The following TEC variants were observed in gnomAD, a reference collection of about 807,000 sequenced individuals.
The protein encoded by TEC is tyrosine-protein kinase Tec.
A neutral mutation model predicts 93.0 loss-of-function variants in TEC; 72 were observed. That is an observed-to-expected ratio of 0.77 (90% confidence interval 0.64 to 0.94). TEC has a LOEUF of 0.94. Ranked by LOEUF, TEC falls within the 40% of genes least tolerant of loss-of-function variation. TEC has a pLI of 0.00. For missense variants in TEC, 630 were observed against 757.9 expected (o/e 0.83, Z 1.98); for synonymous variants, 249 against 247.7 (o/e 1.01, Z -0.05).
chr4:48,141,667 T>TC (rs1190737042), intron 14 of TEC: 1 of 356,266 alleles, frequency 2.8e-6, no homozygotes, highest in African/African-American at 2.3e-5. Context: ...CCAATTGTCT[T>TC]TTTTTTTTCT....
chr4:48,191,093 TTAAA>T (rs1211004098), intron 2 of TEC, among the ~76,000 whole-genome samples: 2 of 152,324 alleles, frequency 1.3e-5, no homozygotes, highest in Admixed American at 6.5e-5. Flanking sequence ...CCCATGCAAA[TTAAA>T]TAACCTCTTC....
chr4:48,226,707 T>C (rs985861803), intron 2 of TEC, among the ~76,000 whole-genome samples: 2 of 152,060 alleles, frequency 1.3e-5, no homozygotes, highest in Admixed American at 6.6e-5. Context: ...GTAGTTAAGT[T>C]TGCGGGGGGA....
At chr4:48,224,649 T>C (rs1007924311) in intron 2 of TEC, among the ~76,000 whole-genome samples, 7 of 152,118 alleles carry the variant, frequency 4.6e-5, no homozygotes, top group African/African-American at 1.7e-4. Context: ...CTAACTACCA[T>C]AAAGAAAGGA....
intron 1 of TEC, among the ~76,000 whole-genome samples, chr4:48,235,979 T>C (rs1462074789): frequency 1.3e-5 from 2 of 152,122 alleles, no homozygotes; most frequent in African/African-American, 4.8e-5. Flanking sequence ...ATACAACTTC[T>C]CTAGTGGAAA....
intron 2 of TEC, among the ~76,000 whole-genome samples, chr4:48,208,313 A>G (rs904053158): frequency 6.6e-6 from 1 of 152,214 alleles, no homozygotes; most frequent in African/African-American, 2.4e-5. Flanking sequence ...CACACTGGCT[A>G]GCAGAGCCAG....
intron 2 of TEC, among the ~76,000 whole-genome samples, chr4:48,185,759 A>G (rs985910379): frequency 2.4e-4 from 36 of 151,824 alleles, no homozygotes; most frequent in African/African-American, 8.0e-4. Flanking sequence ...GAAAATCTCT[A>G]TAAGAAATAT....
Position 48,167,918 on chromosome 4 carries a change from T to C in TEC, c.531A>G (p.Glu177=). 6.2e-7 allele frequency: 1 copy of C among 1,613,836 alleles called. No individual in the cohort carries two copies. The highest frequency in any genetic ancestry group is 8.5e-7 in the Non-Finnish European group (1 of 1,179,854). Residue 177 remains glutamate, a synonymous_variant, in exon 7 of 18, where the codon GAA becomes GAG. Coordinates refer to ENST00000381501, the MANE Select transcript of TEC (RefSeq NM_003215.3). ...CTACAACGATTTCTTCACTATTATCTTCTTCTTCTAGTGGAATTGGTGGGG... is the reference window on the plus strand; with the variant it reads ...CTACAACGATTTCTTCACTATTATCCTCTTCTTCTAGTGGAATTGGTGGGG... ...RPPPPIPLEE[E]DNSEEIVVAM... is the part of the protein sequence containing the mutation.
Position 48,243,236 on chromosome 4 carries a change from T to C in TEC, c.-45-14577A>G, listed in dbSNP as rs1473868147. Among the ~76,000 whole-genome samples the C allele has an allele frequency of 2.6e-5, 4 of 152,340 alleles. No homozygotes were observed. The South Asian group carries it at 8.3e-4, about 32-fold the overall frequency. On this transcript the variant is annotated intron_variant, in intron 1 of 17. Transcript: ENST00000381501. ...ATCTTATTTCACTCATTATTTTTAC[T>C]GGAAATTCTGGCCAAGAACCCTGAT...
chr4:48,243,373 G>A (rs1168182052), intron 1 of TEC, among the ~76,000 whole-genome samples: 1 of 152,160 alleles, frequency 6.6e-6, no homozygotes. Context: ...CTTAGAGACT[G>A]CTTTCTTATC....
intron 1 of TEC, among the ~76,000 whole-genome samples, chr4:48,261,783 T>C (rs1282933761): frequency 6.6e-6 from 1 of 152,148 alleles, no homozygotes; most frequent in East Asian, 1.9e-4. Context: ...TTAAAAGCTT[T>C]AACCTTGAAA....
At position 48,262,201 on chromosome 4, in the gene TEC, C is replaced by CTTTTTTTTTTTTTTTTTTTTTTTT. The variant is rs10659576; in HGVS notation, c.-46+7550_-46+7551insAAAAAAAAAAAAAAAAAAAAAAAA. Among the ~76,000 whole-genome samples, 5 of 80,208 alleles carry CTTTTTTTTTTTTTTTTTTTTTTTT rather than the reference C, an allele frequency of 6.2e-5. 1 individual carries two copies. Among genetic ancestry groups the CTTTTTTTTTTTTTTTTTTTTTTTT allele is most frequent in the Admixed American group, 4.3e-4 (2 of 4,648 alleles). The allele number at this position is 80,208 out of a possible 152,430, so 52.6% of individuals were successfully genotyped here. A position where few individuals can be genotyped will look rare whatever the true frequency, so the allele number is the denominator to read the frequency against. On this transcript the variant is annotated intron_variant, in intron 1 of 17. Transcript: ENST00000381501. ...CTTGGGTAATTGTGACCAAATGTCT[C>CTTTTTTTTTTTTTTTTTTTTTTTT]TTTTTTTTTTTTTGAGACGGAGTCT...
intron 1 of TEC, among the ~76,000 whole-genome samples, chr4:48,258,454 T>C (rs1468922809): frequency 6.6e-6 from 1 of 152,196 alleles, no homozygotes; most frequent in Admixed American, 6.5e-5. Context: ...AATGCATTCT[T>C]TATTTCTCTG....
At chr4:48,196,432 A>G (rs1306025774) in intron 2 of TEC, among the ~76,000 whole-genome samples, 2 of 152,226 alleles carry the variant, frequency 1.3e-5, no homozygotes, top group Non-Finnish European at 2.9e-5. Context: ...GAATAATAGC[A>G]CCAGAACTTC....
chr4:48,237,291 G>A (rs1675708251), intron 1 of TEC, among the ~76,000 whole-genome samples: 1 of 150,006 alleles, frequency 6.7e-6, no homozygotes, highest in African/African-American at 2.5e-5. Context: ...CTGCACTTCA[G>A]CCTGGGTGTT....
At chr4:48,248,920 GCT>G (rs1392778288) in intron 1 of TEC, among the ~76,000 whole-genome samples, 4 of 138,158 alleles carry the variant, frequency 2.9e-5, no homozygotes, top group African/African-American at 1.1e-4. Flanking sequence ...ATTCATATAT[GCT>G]TCAATTCTAC....
chr4:48,184,865 T>G (rs1052229643), intron 2 of TEC, among the ~76,000 whole-genome samples: 1 of 151,572 alleles, frequency 6.6e-6, no homozygotes, highest in Non-Finnish European at 1.5e-5. Flanking sequence ...AATTTAGAAC[T>G]TGCGGTCTTC....
Position 48,176,136 on chromosome 4 carries a change from T to G in TEC, c.189A>C (p.Glu63Asp). ...TGACACCATCATCATTCTTCACTAT[T>G]TCCACACACTTGATTTTTGAAACAT... ...FIDVSKIKCV[E>D]IVKNDDGVIP... The change falls in exon 3 of 18, where the codon GAA becomes GAC. Residue 63 changes from glutamate (E) to aspartate (D), a missense_variant. By Grantham distance (45) the Glu-to-Asp change is conservative. Transcript: ENST00000381501. 6.2e-7 allele frequency: 1 copy of G among 1,613,934 alleles called. No individual in the cohort carries two copies. The highest frequency in any genetic ancestry group is 8.5e-7 in the Non-Finnish European group (1 of 1,179,924).
chr4:48,231,260 T>C (rs1723636570), intron 1 of TEC, among the ~76,000 whole-genome samples: 1 of 152,176 alleles, frequency 6.6e-6, no homozygotes, highest in Admixed American at 6.5e-5. Context: ...ACAGAACTAA[T>C]TAACCCAACA....
chr4:48,177,653 C>T (rs1280895530), intron 2 of TEC, among the ~76,000 whole-genome samples: 3 of 152,160 alleles, frequency 2.0e-5, no homozygotes, highest in Admixed American at 2.0e-4. Flanking sequence ...GAACCCCACA[C>T]CCCCTTGACA....
Sources: gnomAD v4.1 joint callset for allele counts (sites outside exome capture counted in the v4.1 genomes callset) on GRCh38, gnomAD v4.1.1 for gene constraint, MANE v1.5 for transcripts, NCBI Gene and HGNC (gene_info 2026-07-23, HGNC 2026-07-21) for gene names.